Variants in PRKG1 observed in about 807,000 individuals in gnomAD.
PRKG1 encodes cGMP-dependent protein kinase 1.
A neutral mutation model predicts 88.1 loss-of-function variants in PRKG1; 35 were observed. The ratio of observed to expected loss-of-function variants is 0.40; its 90% CI spans 0.30 to 0.53. PRKG1 has a LOEUF of 0.53. PRKG1 is among the 20% of genes least tolerant of loss of function. The probability of loss-of-function intolerance (pLI) is 0.59; values close to 1 mark genes in which losing one functional copy is unlikely to be tolerated. For synonymous variants in PRKG1, 303 were observed against 292.5 expected (o/e 1.04, Z -0.37); for missense variants, 540 against 839.8 (o/e 0.64, Z 4.41).
At chr10:51,190,154 T>A (rs1354064706) in intron 2 of PRKG1, among the ~76,000 whole-genome samples, 1 of 151,986 alleles carries the variant, frequency 6.6e-6, no homozygotes, top group South Asian at 2.1e-4. Context: ...TCATCTTTTG[T>A]TTTTTATATT....
In PRKG1 at chr10:51,757,285, G is replaced by A. The variant is rs569476825; in HGVS notation, c.593-47300G>A. On this transcript the variant is annotated intron_variant, in intron 3 of 17. Coordinates refer to ENST00000373980, the MANE Select transcript of PRKG1 (RefSeq NM_006258.4). ...TCCAGCTAATTTTTTTGTATTTTTA[G>A]TAGAGAGAGGGTTTCACAATGTTGG... Among the ~76,000 whole-genome samples the A allele has an allele frequency of 1.1e-4, 16 of 152,064 alleles. No individual in the cohort carries two copies. In the South Asian group the frequency reaches 2.7e-3, roughly 26 times the overall value.
At chr10:51,964,497 G>A (rs1843521616) in intron 5 of PRKG1, among the ~76,000 whole-genome samples, 1 of 152,140 alleles carries the variant, frequency 6.6e-6, no homozygotes, top group African/African-American at 2.4e-5. Flanking sequence ...TTACAAATTT[G>A]GCAGAGCCAT....
At chr10:52,240,682 T>A (rs1840837718) in intron 9 of PRKG1, among the ~76,000 whole-genome samples, 1 of 152,162 alleles carries the variant, frequency 6.6e-6, no homozygotes, top group Non-Finnish European at 1.5e-5. Flanking sequence ...CCGATCACTA[T>A]TACCAAACAA....
chr10:51,847,271 T>A (rs1296161131), intron 4 of PRKG1, among the ~76,000 whole-genome samples: 1 of 152,190 alleles, frequency 6.6e-6, no homozygotes, highest in Non-Finnish European at 1.5e-5. Context: ...ACAATGCTAC[T>A]TGTCACTCAA....
intron 5 of PRKG1, among the ~76,000 whole-genome samples, chr10:51,986,319 T>C (rs1006915503): frequency 3.3e-5 from 5 of 152,174 alleles, no homozygotes; most frequent in African/African-American, 1.2e-4. Flanking sequence ...GTTATTTCCT[T>C]CAAGAAATAT....
At chr10:52,189,662 A>G (rs1839314440) in intron 9 of PRKG1, among the ~76,000 whole-genome samples, 3 of 152,200 alleles carry the variant, frequency 2.0e-5, no homozygotes, top group African/African-American at 2.4e-5. Flanking sequence ...ATTGTCTTCT[A>G]CAAAACCAGT....
At chr10:51,917,354 T>C (rs1842365653) in intron 5 of PRKG1, among the ~76,000 whole-genome samples, 1 of 152,052 alleles carries the variant, frequency 6.6e-6, no homozygotes, top group Non-Finnish European at 1.5e-5. Context: ...GATTTCTTTT[T>C]AGGGTGATAA....
At chr10:51,232,360 A>G (rs1838866431) in intron 2 of PRKG1, among the ~76,000 whole-genome samples, 1 of 152,210 alleles carries the variant, frequency 6.6e-6, no homozygotes, top group Non-Finnish European at 1.5e-5. Flanking sequence ...TTTTATTCTA[A>G]TAAGGAATTA....
intron 3 of PRKG1, among the ~76,000 whole-genome samples, chr10:51,549,115 C>CTTTTATTTTTTTTTTTT: frequency 1.3e-5 from 1 of 79,296 alleles, no homozygotes; most frequent in Non-Finnish European, 2.5e-5. Context: ...TCTTTCTTTT[C>CTTTTATTTTTTTTTTTT]TTTTCTTTTT....
rs143693013 is a variant in PRKG1, at chr10:51,399,034, C to A, written c.479-68689C>A. Among the ~76,000 whole-genome samples, 189 of 152,242 alleles carry A rather than the reference C, an allele frequency of 1.2e-3. 1 individual carries two copies. The highest frequency in any genetic ancestry group is 4.4e-3 in the African/African-American group (182 of 41,544). On this transcript the variant is annotated intron_variant, in intron 2 of 17. Transcript: ENST00000373980. ...CAGTCCTGGGCCTCCAGCTTGCCAA[C>A]TGCTGTTCTTGGAACTTCCTAGCTT... is the stretch of plus-strand genomic sequence containing the variant.
intron 2 of PRKG1, among the ~76,000 whole-genome samples, chr10:51,200,040 G>T (rs371587278): frequency 6.6e-6 from 1 of 152,150 alleles, no homozygotes; most frequent in African/African-American, 2.4e-5. Flanking sequence ...AAGAAGGATC[G>T]CCTCTTCTGA....
chr10:51,927,737 G>A lies in PRKG1; in HGVS notation c.762+20167G>A, dbSNP rs533157737. Among the ~76,000 whole-genome samples, 4 of 152,212 alleles carry A rather than the reference G, an allele frequency of 2.6e-5. No homozygotes were observed. The South Asian group carries it at 8.3e-4, about 32-fold the overall frequency. ...GACCCCTCCTTCTATTACTAGGACT[G>A]AAAACAAAAGTTGACACTTCCCTCT... On this transcript the variant is annotated intron_variant, in intron 5 of 17. Transcript: ENST00000373980.
chr10:51,368,390 A>G (rs1235370991), intron 2 of PRKG1, among the ~76,000 whole-genome samples: 1 of 152,020 alleles, frequency 6.6e-6, no homozygotes, highest in African/African-American at 2.4e-5. Context: ...AGAACCTGCT[A>G]TGGATGGAGC....
At position 52,295,570 on chromosome 10, in the gene PRKG1, T is replaced by C. The variant is rs1477880088; in HGVS notation, c.*1670T>C. The C allele has an allele frequency of 6.6e-6, 1 of 151,858 alleles. No homozygotes were observed. The highest frequency in any genetic ancestry group is 1.5e-5 in the Non-Finnish European group (1 of 67,890). 9.4% of individuals were successfully genotyped at this position (151,858 alleles called of 1,614,324 possible). A position where few individuals can be genotyped will look rare whatever the true frequency, so the allele number is the denominator to read the frequency against. The stretch of plus-strand genomic sequence containing the variant: ...ATTACATTATACCTGTGAAGAAAAA[T>C]ATAGAAGCTTTCAAGCTGTCATTCT... On this transcript the variant is annotated 3_prime_UTR_variant, in exon 18 of 18. Coordinates refer to ENST00000373980, the MANE Select transcript of PRKG1 (RefSeq NM_006258.4).
At chr10:52,247,543 C>T (rs1841057211) in intron 9 of PRKG1, among the ~76,000 whole-genome samples, 1 of 152,108 alleles carries the variant, frequency 6.6e-6, no homozygotes, top group Non-Finnish European at 1.5e-5. Context: ...CTAAAGAAAA[C>T]AGAACATAAT....
At chr10:51,278,413 C>G (rs1482626746) in intron 2 of PRKG1, among the ~76,000 whole-genome samples, 3 of 152,072 alleles carry the variant, frequency 2.0e-5, no homozygotes, top group Non-Finnish European at 4.4e-5. Flanking sequence ...GTCTAAAATT[C>G]TCTTTTTTTG....
At chr10:52,006,557 T>C (rs1022325498) in intron 5 of PRKG1, among the ~76,000 whole-genome samples, 2 of 152,120 alleles carry the variant, frequency 1.3e-5, no homozygotes, top group Non-Finnish European at 2.9e-5. Flanking sequence ...CCTCTGAAAT[T>C]ACTCAGTCAG....
chr10:52,185,625 G>A (rs550983669), intron 9 of PRKG1, among the ~76,000 whole-genome samples: 4 of 152,282 alleles, frequency 2.6e-5, no homozygotes, highest in African/African-American at 7.2e-5. Context: ...CCTCTGTACT[G>A]CCCCTATAGA....
intron 3 of PRKG1, among the ~76,000 whole-genome samples, chr10:51,662,604 A>G (rs1398382281): frequency 6.6e-6 from 1 of 152,122 alleles, no homozygotes; most frequent in Non-Finnish European, 1.5e-5. Flanking sequence ...CTGTTTCCCA[A>G]CTCACTTTCT....
Sources: allele counts gnomAD v4.1 joint callset (sites outside exome capture counted in the v4.1 genomes callset), GRCh38; gene constraint gnomAD v4.1.1; transcripts MANE v1.5; gene names NCBI Gene and HGNC (gene_info 2026-07-23, HGNC 2026-07-21).